Variants in RGS5 observed in about 807,000 individuals in gnomAD.
RGS5 encodes regulator of G-protein signalling 5.
In RGS5, 20 loss-of-function variants were observed where a neutral mutation model predicts 18.9. The ratio of observed to expected loss-of-function variants is 1.06; its 90% CI spans 0.74 to 1.54. The LOEUF (loss-of-function observed/expected upper bound fraction) is 1.54. Among genes scored for constraint, RGS5 ranks in the 40% most tolerant of loss-of-function variants. The pLI is 0.00. For missense variants in RGS5, 201 were observed against 211.8 expected (o/e 0.95, Z 0.32); for synonymous variants, 57 against 76.2 (o/e 0.75, Z 1.31).
chr1:163,257,932 G>A (rs1411402283), intron 2 of RGS5, among the ~76,000 whole-genome samples: 1 of 152,128 alleles, frequency 6.6e-6, no homozygotes, highest in Non-Finnish European at 1.5e-5. Flanking sequence ...AAGAACCTCA[G>A]TCTGGCCTAA....
intron 2 of RGS5, among the ~76,000 whole-genome samples, chr1:163,294,588 G>C (rs1166946595): frequency 6.6e-6 from 1 of 152,216 alleles, no homozygotes; most frequent in Non-Finnish European, 1.5e-5. Flanking sequence ...ACATGCCCCG[G>C]AGACATTTTC....
intron 2 of RGS5, among the ~76,000 whole-genome samples, chr1:163,273,821 G>T (rs1277913334): frequency 1.3e-5 from 2 of 152,050 alleles, no homozygotes; most frequent in Non-Finnish European, 2.9e-5. Context: ...TCTCCTCTGA[G>T]ATTTGTAGTT....
rs148930012 is a variant in RGS5 at position 163,152,651 on chromosome 1, T to C, written c.283A>G (p.Ile95Val). 8.1e-6 allele frequency: 13 copies of C among 1,612,442 alleles called. No homozygotes were observed. The African/African-American group carries it at 1.5e-4, about 18-fold the overall frequency. The change falls in exon 4 of 5, where the codon ATT (isoleucine) becomes GTT (valine). Residue 95 changes from isoleucine to valine, a missense_variant. By Grantham distance (29) the Ile-to-Val change is conservative. Coordinates refer to ENST00000313961, the MANE Select transcript of RGS5 (RefSeq NM_003617.4). ...EFSEENLEFW[I>V]ACEDYKKIKS... ...ATCTTCTTGTAATCCTCACAGGCAA[T>C]CCAGAACTCAAGGTTTTCCTCACTG...
At chr1:163,311,242 C>T (rs573685600) in intron 1 of RGS5, among the ~76,000 whole-genome samples, 8 of 152,318 alleles carry the variant, frequency 5.3e-5, no homozygotes, top group African/African-American at 1.9e-4. Context: ...AAGTGCCTTG[C>T]TCTGGATTAG....
intron 1 of RGS5, among the ~76,000 whole-genome samples, chr1:163,186,487 G>C (rs1442496023): frequency 6.8e-6 from 1 of 148,072 alleles, no homozygotes; most frequent in Non-Finnish European, 1.5e-5. Context: ...GCTGAGGCAG[G>C]AGAATGGCGT....
chr1:163,164,863 G>A (rs190514162), intron 2 of RGS5, among the ~76,000 whole-genome samples: 3 of 152,180 alleles, frequency 2.0e-5, no homozygotes, highest in Admixed American at 6.5e-5. Flanking sequence ...TTTAATCTGC[G>A]CAGTGCCTGG....
At chr1:163,198,161 A>G (rs1433668235) in intron 1 of RGS5, among the ~76,000 whole-genome samples, 1 of 152,196 alleles carries the variant, frequency 6.6e-6, no homozygotes, top group Non-Finnish European at 1.5e-5. Context: ...TTAAAAACAA[A>G]ATTTTTAAAA....
At position 163,202,795 on chromosome 1, in the gene RGS5, T is replaced by C. The variant is rs1161225071; in HGVS notation, c.41A>G (p.Glu14Gly). 6.2e-7 allele frequency: 1 copy of C among 1,613,514 alleles called. No individual in the cohort carries two copies. The change falls in exon 1 of 5, where the codon GAA becomes GGA. Residue 14 changes from glutamate (E) to glycine (G), a missense_variant. Transcript: ENST00000313961. ...GLAALPHSCL[E>G]RAKEIKIKLG... ...ACAAAAATAACTTGGTTCTCACCTT[T>C]CCAGGCATGAGTGGGGCAAAGCTGC... is the stretch of plus-strand genomic sequence containing the variant.
chr1:163,202,780 C>T lies in RGS5; in HGVS notation c.44+12G>A. On this transcript the variant is annotated intron_variant, in intron 1 of 4. Transcript: ENST00000313961. ...ATCTGCATCTCTTAAACAAAAATAA[C>T]TTGGTTCTCACCTTTCCAGGCATGA... 6.2e-7 allele frequency: 1 copy of T among 1,613,030 alleles called. No individual in the cohort carries two copies.
At chr1:163,285,548 A>T (rs905423797) in intron 2 of RGS5, among the ~76,000 whole-genome samples, 59 of 149,130 alleles carry the variant, frequency 4.0e-4, no homozygotes, top group African/African-American at 1.4e-3. Context: ...AAAAACAAAA[A>T]CAAAACAAAA....
intron 2 of RGS5, chr1:163,248,270 T>A (rs1368989704): frequency 6.6e-6 from 1 of 152,098 alleles, no homozygotes; most frequent in African/African-American, 2.4e-5. Flanking sequence ...ATGGACTGAT[T>A]ACCAGGCCCT....
chr1:163,233,978 G>C (rs191066181), intron 2 of RGS5, among the ~76,000 whole-genome samples: 1 of 152,168 alleles, frequency 6.6e-6, no homozygotes, highest in African/African-American at 2.4e-5. Context: ...AGGCCATCTG[G>C]ATGTATACGT....
At chr1:163,303,399 T>A (rs1318314397) in intron 2 of RGS5, among the ~76,000 whole-genome samples, 1 of 152,234 alleles carries the variant, frequency 6.6e-6, no homozygotes, top group Non-Finnish European at 1.5e-5. Flanking sequence ...AGTGGTAATT[T>A]AGTCCAATCT....
intron 1 of RGS5, among the ~76,000 whole-genome samples, chr1:163,309,497 C>A (rs1287342557): frequency 1.1e-5 from 1 of 88,978 alleles, no homozygotes; most frequent in Non-Finnish European, 2.7e-5. Context: ...TCTAAGGAAA[C>A]CTTTTTTTTT....
chr1:163,310,999 G>C (rs530122073), intron 1 of RGS5, among the ~76,000 whole-genome samples: 30 of 152,218 alleles, frequency 2.0e-4, no homozygotes, highest in South Asian at 6.2e-4. Flanking sequence ...AGAACAGAAG[G>C]GGGGAAATCA....
intron 4 of RGS5, among the ~76,000 whole-genome samples, chr1:163,150,203 A>G (rs898988749): frequency 8.3e-5 from 12 of 144,650 alleles, no homozygotes; most frequent in Non-Finnish European, 1.7e-4. Flanking sequence ...GGGCAAGGCT[A>G]TTTTAATTAC....
chr1:163,256,510 A>G (rs1288395414), intron 2 of RGS5, among the ~76,000 whole-genome samples: 1 of 152,356 alleles, frequency 6.6e-6, no homozygotes, highest in Non-Finnish European at 1.5e-5. Flanking sequence ...TTTATTAATC[A>G]TTTGGCAGAT....
chr1:163,294,151 G>GC (rs879577254), intron 2 of RGS5, among the ~76,000 whole-genome samples: 16 of 152,196 alleles, frequency 1.1e-4, no homozygotes, highest in Non-Finnish European at 2.4e-4. Context: ...ACTAGGCAGT[G>GC]CCCCAGTGGG....
At chr1:163,268,121 A>G (rs1357076054) in intron 2 of RGS5, among the ~76,000 whole-genome samples, 1 of 152,088 alleles carries the variant, frequency 6.6e-6, no homozygotes, top group Non-Finnish European at 1.5e-5. Flanking sequence ...TAAGGAAAAA[A>G]ATGTGTAAAT....
Sources: allele counts gnomAD v4.1 joint callset (sites outside exome capture counted in the v4.1 genomes callset), GRCh38; gene constraint gnomAD v4.1.1; transcripts MANE v1.5; gene names NCBI Gene and HGNC (gene_info 2026-07-23, HGNC 2026-07-21).